The following PPARGC1A variants were observed in gnomAD, a reference collection of about 807,000 sequenced individuals.
The protein encoded by PPARGC1A is peroxisome proliferator-activated receptor gamma coactivator 1-alpha.
Under a neutral mutation model 88.7 loss-of-function variants are expected in PPARGC1A, and 25 were observed. That is an observed-to-expected ratio of 0.28 (90% CI 0.21 to 0.39). The LOEUF (loss-of-function observed/expected upper bound fraction) is 0.39, where lower values mean the gene tolerates loss of function less well. Among genes scored for constraint, PPARGC1A ranks in the 10% least tolerant of loss-of-function variants. The probability of loss-of-function intolerance (pLI) is 1.00; values close to 1 mark genes in which losing one functional copy is unlikely to be tolerated. For synonymous variants in PPARGC1A, 363 were observed against 355.6 expected, an observed-to-expected ratio of 1.02 and a Z score of -0.24; for missense variants, 880 against 968.7, an observed-to-expected ratio of 0.91 and a Z score of 1.22.
the PPARGC1A span, among the ~76,000 whole-genome samples, chr4:24,281,034 A>G: frequency 1.5e-4 from 23 of 152,278 alleles, no homozygotes; most frequent in Non-Finnish European, 3.1e-4. Context: ...AGCCACCTCT[A>G]TTTCCCTGCC....
chr4:24,235,479 T>G, the PPARGC1A span, among the ~76,000 whole-genome samples: 1 of 152,198 alleles, frequency 6.6e-6, no homozygotes, highest in Non-Finnish European at 1.5e-5. Flanking sequence ...AATAAGCCTC[T>G]TTCACAATTG....
intron 10 of PPARGC1A, among the ~76,000 whole-genome samples, chr4:23,810,686 C>G (rs1720735423): frequency 6.6e-6 from 1 of 152,098 alleles, no homozygotes; most frequent in Admixed American, 6.5e-5. Context: ...GCCATATAAG[C>G]AAATTTATGA....
At chr4:23,962,121 T>A in the PPARGC1A span, among the ~76,000 whole-genome samples, 1 of 148,480 alleles carries the variant, frequency 6.7e-6, no homozygotes, top group African/African-American at 2.6e-5. Flanking sequence ...TCTCATCTTT[T>A]TATTTTTTTT....
At chr4:24,229,152 C>CTTTTTTTTTTTTTTTTTTTTTTTTTTTTT in the PPARGC1A span, among the ~76,000 whole-genome samples, 115 of 60,916 alleles carry the variant, frequency 1.9e-3, 34 homozygotes, top group Non-Finnish European at 2.4e-3. Context: ...GTATCTGGAC[C>CTTTTTTTTTTTTTTTTTTTTTTTTTTTTT]TTTTTTTTTT....
At chr4:24,259,129 G>A in the PPARGC1A span, among the ~76,000 whole-genome samples, 1 of 152,114 alleles carries the variant, frequency 6.6e-6, no homozygotes, top group Admixed American at 6.5e-5. Context: ...CCAAAAAAAG[G>A]ATGAGTTTGG....
At chr4:23,919,340 A>G in the PPARGC1A span, among the ~76,000 whole-genome samples, 1 of 152,086 alleles carries the variant, frequency 6.6e-6, no homozygotes, top group African/African-American at 2.4e-5. Context: ...TCACATACTT[A>G]CCACATGCAC....
At chr4:24,453,125 A>G in the PPARGC1A span, among the ~76,000 whole-genome samples, 1 of 152,250 alleles carries the variant, frequency 6.6e-6, no homozygotes, top group Non-Finnish European at 1.5e-5. Flanking sequence ...GTGAAGATAC[A>G]GGGAGAAGAT....
chr4:24,249,982 T>C, the PPARGC1A span, among the ~76,000 whole-genome samples: 13,346 of 152,242 alleles, frequency 0.088, 760 homozygotes, highest in East Asian at 0.3. Flanking sequence ...AGTTCATTTA[T>C]TGAATGCACA....
chr4:23,893,513 A>C (rs944282082), upstream of PPARGC1A, among the ~76,000 whole-genome samples: 21 of 152,182 alleles, frequency 1.4e-4, no homozygotes, highest in African/African-American at 4.8e-4. Flanking sequence ...CAAACAAAAA[A>C]CTACCAGACT....
chr4:24,225,538 A>C, the PPARGC1A span, among the ~76,000 whole-genome samples: 920 of 151,838 alleles, frequency 6.1e-3, 6 homozygotes, highest in African/African-American at 0.02. Context: ...TCAAAAAAAA[A>C]ACACACACAC....
At chr4:24,311,851 A>T in the PPARGC1A span, among the ~76,000 whole-genome samples, 1 of 152,208 alleles carries the variant, frequency 6.6e-6, no homozygotes. Flanking sequence ...AATGTTAGAT[A>T]AAATCACTGT....
At chr4:23,903,124 G>C (rs1369149332), upstream of PPARGC1A, among the ~76,000 whole-genome samples, 2 of 152,114 alleles carry the variant, frequency 1.3e-5, no homozygotes, top group Admixed American at 6.5e-5. Flanking sequence ...CTACACTGGG[G>C]GAAAGATTAG....
the PPARGC1A span, among the ~76,000 whole-genome samples, chr4:23,923,088 G>GC: frequency 6.7e-6 from 1 of 149,598 alleles, no homozygotes; most frequent in Non-Finnish European, 1.5e-5. Context: ...AAACAATAGA[G>GC]CCTTTAGTAC....
chr4:23,884,835 A>G lies in PPARGC1A; in HGVS notation c.151T>C (p.Phe51Leu), dbSNP rs1422031469. 2.5e-6 allele frequency: 4 copies of G among 1,613,866 alleles called. No individual in the cohort carries two copies. Among genetic ancestry groups the G allele is most frequent in the Non-Finnish European group, 3.4e-6 (4 of 1,179,910 alleles). ...LDVNDLDTDS[F>L]LGGLKWCSDQ... is the part of the protein sequence containing the mutation. Reference sequence around the variant, plus strand: ...CTGCACCACTTGAGTCCACCCAGAAAGCTGTCTGTATCCAAGTCGTTCACA... The same window carrying G: ...CTGCACCACTTGAGTCCACCCAGAAGGCTGTCTGTATCCAAGTCGTTCACA... Residue 51 changes from phenylalanine to leucine, a missense_variant, in exon 2 of 13, where the codon TTT becomes CTT. By Grantham distance (22) the Phe-to-Leu change is conservative. Transcript: ENST00000264867.
intron 2 of PPARGC1A, among the ~76,000 whole-genome samples, chr4:23,862,005 C>A (rs1731293390): frequency 1.3e-5 from 2 of 152,166 alleles, no homozygotes; most frequent in African/African-American, 2.4e-5. Flanking sequence ...CAGCAAAAAT[C>A]TTAGTCAATC....
chr4:24,213,185 G>C, the PPARGC1A span, among the ~76,000 whole-genome samples: 2 of 64,030 alleles, frequency 3.1e-5, no homozygotes, highest in Non-Finnish European at 6.2e-5. Context: ...TTTTTTTTTT[G>C]AGACAGAGCC....
chr4:24,229,931 A>G, the PPARGC1A span, among the ~76,000 whole-genome samples: 2 of 151,792 alleles, frequency 1.3e-5, no homozygotes, highest in Non-Finnish European at 2.9e-5. Flanking sequence ...CTATTTCTCT[A>G]TAAGGGACAA....
the PPARGC1A span, among the ~76,000 whole-genome samples, chr4:24,388,262 A>T: frequency 6.6e-6 from 1 of 152,250 alleles, no homozygotes; most frequent in Non-Finnish European, 1.5e-5. Context: ...AATCAAAACC[A>T]TAATAAGATA....
chr4:24,011,005 G>T, the PPARGC1A span, among the ~76,000 whole-genome samples: 1 of 152,112 alleles, frequency 6.6e-6, no homozygotes, highest in Non-Finnish European at 1.5e-5. Flanking sequence ...AGGGGTAGTG[G>T]GTTTCTCTGG....
Sources: allele counts gnomAD v4.1 joint callset (sites outside exome capture counted in the v4.1 genomes callset), GRCh38; gene constraint gnomAD v4.1.1; transcripts MANE v1.5; gene names NCBI Gene and HGNC (gene_info 2026-07-23, HGNC 2026-07-21).